Variants in GABBR2 observed in about 807,000 individuals in gnomAD.
GABBR2 encodes the protein gamma-aminobutyric acid type B receptor subunit 2.
Under a neutral mutation model 105.6 loss-of-function variants are expected in GABBR2, and 23 were observed. The observed-to-expected ratio is 0.22, with a 90% CI of 0.16 to 0.31. GABBR2 has a LOEUF of 0.31. Among genes scored for constraint, GABBR2 ranks in the 10% least tolerant of loss-of-function variants. The pLI is 1.00. For synonymous variants in GABBR2, 478 were observed against 499.7 expected (o/e 0.96, Z 0.58); for missense variants, 734 against 1,245.5 (o/e 0.59, Z 6.18).
At chr9:98,457,776 A>G (rs1160203151) in intron 6 of GABBR2, among the ~76,000 whole-genome samples, 1 of 152,220 alleles carries the variant, frequency 6.6e-6, no homozygotes, top group Non-Finnish European at 1.5e-5. Context: ...AGGCGATGCC[A>G]GCACCAACTC....
intron 6 of GABBR2, among the ~76,000 whole-genome samples, chr9:98,457,500 A>G (rs1399219408): frequency 2.6e-5 from 4 of 152,202 alleles, no homozygotes; most frequent in Non-Finnish European, 5.9e-5. Context: ...GAGGTCAACA[A>G]AAGTCCCTAT....
intron 1 of GABBR2, among the ~76,000 whole-genome samples, chr9:98,599,295 T>C (rs10986939): frequency 0.03 from 4,618 of 152,212 alleles, 78 homozygotes; most frequent in East Asian, 0.055. Context: ...TATGTGGGCT[T>C]CTAGCACATT....
intron 7 of GABBR2, among the ~76,000 whole-genome samples, chr9:98,446,767 T>C (rs1031982157): frequency 1.3e-5 from 2 of 152,108 alleles, no homozygotes; most frequent in Non-Finnish European, 1.5e-5. Flanking sequence ...TGGGGTGGCA[T>C]TGGACGCTAG....
rs1295797788 is a variant in GABBR2, at chr9:98,288,296, TAA to T, written c.*2286_*2287del. 1 of 152,526 alleles carries T rather than the reference TAA, an allele frequency of 6.6e-6. No individual in the cohort carries two copies. The highest frequency in any genetic ancestry group is 1.5e-5 in the Non-Finnish European group (1 of 68,026). The allele number at this position is 152,526 out of a possible 1,614,324, so 9.4% of individuals were successfully genotyped here. A position where few individuals can be genotyped will look rare whatever the true frequency, so the allele number is the denominator to read the frequency against. ...AAATGGACGGTGTGTTTGCTGCATA[TAA>T]AAGAACAGAACCATTAAGTAGCTAG... On this transcript the variant is annotated 3_prime_UTR_variant, in exon 19 of 19. Transcript: ENST00000259455.
intron 4 of GABBR2, among the ~76,000 whole-genome samples, chr9:98,491,720 C>T (rs995817888): frequency 1.3e-5 from 2 of 152,100 alleles, no homozygotes; most frequent in Non-Finnish European, 2.9e-5. Context: ...TCTTCTTAGG[C>T]CTGTGAAGGT....
At chr9:98,426,507 A>G (rs953003763) in intron 7 of GABBR2, among the ~76,000 whole-genome samples, 6 of 152,144 alleles carry the variant, frequency 3.9e-5, no homozygotes, top group African/African-American at 1.4e-4. Context: ...TCACCAGTTG[A>G]GCCCCCAACC....
intron 10 of GABBR2, among the ~76,000 whole-genome samples, chr9:98,386,700 G>A (rs1277232018): frequency 6.6e-6 from 1 of 152,104 alleles, no homozygotes; most frequent in Non-Finnish European, 1.5e-5. Context: ...TGTGGTTGAG[G>A]GGCTCTTTTG....
At chr9:98,641,919 A>C (rs1829968227) in intron 1 of GABBR2, among the ~76,000 whole-genome samples, 1 of 152,178 alleles carries the variant, frequency 6.6e-6, no homozygotes, top group African/African-American at 2.4e-5. Context: ...AAGTAGGTCG[A>C]TGGGCTAGGG....
chr9:98,366,918 T>G (rs1831687288), intron 12 of GABBR2, among the ~76,000 whole-genome samples: 1 of 152,172 alleles, frequency 6.6e-6, no homozygotes, highest in Admixed American at 6.5e-5. Flanking sequence ...ATCTCTAAAT[T>G]TCTACTCTTG....
intron 1 of GABBR2, among the ~76,000 whole-genome samples, chr9:98,686,219 A>G (rs1392308525): frequency 6.6e-6 from 1 of 152,112 alleles, no homozygotes; most frequent in Non-Finnish European, 1.5e-5. Flanking sequence ...TAGTTGGTTC[A>G]GCCAGAATCG....
At chr9:98,357,457 A>T (rs1617638) in intron 13 of GABBR2, among the ~76,000 whole-genome samples, 83,993 of 152,006 alleles carry the variant, frequency 0.55, 25,325 homozygotes, top group Admixed American at 0.67. Flanking sequence ...AGACCAGTCT[A>T]GACAACATGA....
intron 1 of GABBR2, among the ~76,000 whole-genome samples, chr9:98,583,412 GCTC>G (rs1296710125): frequency 6.6e-6 from 1 of 152,220 alleles, no homozygotes; most frequent in Non-Finnish European, 1.5e-5. Flanking sequence ...GAAGCACTGA[GCTC>G]CTCACCTTCA....
At chr9:98,315,935 G>A (rs1473377191) in intron 13 of GABBR2, among the ~76,000 whole-genome samples, 1 of 152,246 alleles carries the variant, frequency 6.6e-6, no homozygotes, top group Non-Finnish European at 1.5e-5. Flanking sequence ...TGTTGGGGAA[G>A]TATTCAGGCT....
At chr9:98,606,808 T>C in intron 1 of GABBR2, 1 of 330,882 alleles carries the variant, frequency 3.0e-6, no homozygotes, top group Non-Finnish European at 5.8e-6. Flanking sequence ...ATAACTTTCC[T>C]TTTTTAAAAA....
At chr9:98,356,908 T>A (rs1432692285) in intron 13 of GABBR2, among the ~76,000 whole-genome samples, 1 of 152,182 alleles carries the variant, frequency 6.6e-6, no homozygotes, top group African/African-American at 2.4e-5. Flanking sequence ...CAAAAATATA[T>A]GTAGGAACCT....
intron 1 of GABBR2, among the ~76,000 whole-genome samples, chr9:98,592,978 T>C (rs892862810): frequency 6.6e-6 from 1 of 152,052 alleles, no homozygotes; most frequent in Non-Finnish European, 1.5e-5. Context: ...TTATTTTAGT[T>C]ATTTATTTTT....
Position 98,288,146 on chromosome 9 carries a change from G to A in GABBR2, c.*2438C>T, listed in dbSNP as rs1032058763. 2.6e-5 allele frequency: 4 copies of A among 152,478 alleles called. No individual in the cohort carries two copies. Among genetic ancestry groups the A allele is most frequent in the Non-Finnish European group, 5.9e-5 (4 of 68,016 alleles). 9.4% of individuals were successfully genotyped at this position (152,478 alleles called of 1,614,324 possible). A position where few individuals can be genotyped will look rare whatever the true frequency, so the allele number is the denominator to read the frequency against. On this transcript the variant is annotated 3_prime_UTR_variant, in exon 19 of 19. Coordinates refer to ENST00000259455, the MANE Select transcript of GABBR2 (RefSeq NM_005458.8). ...AATTTGCAACAATTTATTAAAAATCGATACCATGCAGTAGGGGTACGAGAA... is the reference window on the plus strand; with the variant it reads ...AATTTGCAACAATTTATTAAAAATCAATACCATGCAGTAGGGGTACGAGAA...
intron 13 of GABBR2, among the ~76,000 whole-genome samples, chr9:98,322,480 G>A (rs1564016525): frequency 6.6e-6 from 1 of 151,956 alleles, no homozygotes; most frequent in Admixed American, 6.6e-5. Flanking sequence ...CCTCCTCTAT[G>A]TTGCCTCCAA....
At chr9:98,308,576 A>G (rs936568849) in intron 14 of GABBR2, among the ~76,000 whole-genome samples, 3 of 152,182 alleles carry the variant, frequency 2.0e-5, no homozygotes, top group Non-Finnish European at 4.4e-5. Context: ...CCCAAATCCA[A>G]TGATAAGTGT....
Sources: allele counts gnomAD v4.1 joint callset (sites outside exome capture counted in the v4.1 genomes callset), GRCh38; gene constraint gnomAD v4.1.1; transcripts MANE v1.5; gene names NCBI Gene and HGNC (gene_info 2026-07-23, HGNC 2026-07-21).